SLC35F4: variants seen among roughly 807,000 people sequenced by gnomAD.
The protein encoded by SLC35F4 is chromosome 14 open reading frame 36.
A neutral mutation model predicts 44.2 loss-of-function variants in SLC35F4; 24 were observed. The ratio of observed to expected loss-of-function variants is 0.54; its 90% confidence interval spans 0.39 to 0.76. The LOEUF is 0.76. Ranked by LOEUF, SLC35F4 falls within the 30% of genes least tolerant of loss-of-function variation. SLC35F4 has a pLI of 0.00. For synonymous variants in SLC35F4, 238 were observed against 223.6 expected (o/e 1.06, Z -0.57); for missense variants, 562 against 586.1 (o/e 0.96, Z 0.42).
At chr14:57,599,802 G>GA (rs34667001) in intron 1 of SLC35F4, among the ~76,000 whole-genome samples, 47,409 of 126,024 alleles carry the variant, frequency 0.38, 9,248 homozygotes, top group Admixed American at 0.46. Context: ...ACTCTGTCTT[G>GA]AAAAAAAAAA....
intron 1 of SLC35F4, among the ~76,000 whole-genome samples, chr14:57,950,002 C>T (rs535430788): frequency 1.3e-5 from 2 of 152,220 alleles, no homozygotes; most frequent in South Asian, 2.1e-4. Context: ...TGACTATGTG[C>T]CTAGGTGATG....
At chr14:57,955,029 C>T (rs1332529394) in intron 1 of SLC35F4, among the ~76,000 whole-genome samples, 6 of 149,104 alleles carry the variant, frequency 4.0e-5, no homozygotes, top group African/African-American at 1.5e-4. Context: ...TGAACAGCAA[C>T]ACGAAAATCC....
intron 1 of SLC35F4, among the ~76,000 whole-genome samples, chr14:57,943,695 G>A (rs1889956660): frequency 6.6e-6 from 1 of 152,180 alleles, no homozygotes; most frequent in Non-Finnish European, 1.5e-5. Context: ...GATCATGGAT[G>A]GGCCCAGCTG....
intron 1 of SLC35F4, among the ~76,000 whole-genome samples, chr14:57,638,916 T>C (rs991088509): frequency 6.6e-6 from 1 of 152,076 alleles, no homozygotes; most frequent in African/African-American, 2.4e-5. Context: ...GCCACATACA[T>C]GCAAAATGGA....
intron 1 of SLC35F4, among the ~76,000 whole-genome samples, chr14:57,775,789 T>C (rs1481506062): frequency 1.3e-5 from 2 of 152,238 alleles, no homozygotes; most frequent in Admixed American, 6.5e-5. Context: ...CAAGGGTTCT[T>C]AACTGGGTTG....
intron 1 of SLC35F4, among the ~76,000 whole-genome samples, chr14:57,956,291 C>G (rs1178633482): frequency 3.9e-5 from 6 of 152,120 alleles, no homozygotes; most frequent in African/African-American, 1.4e-4. Flanking sequence ...AAAATTAGCT[C>G]AAGATGGATT....
chr14:57,948,734 C>A (rs1890081225), intron 1 of SLC35F4, among the ~76,000 whole-genome samples: 1 of 152,078 alleles, frequency 6.6e-6, no homozygotes, highest in Non-Finnish European at 1.5e-5. Flanking sequence ...TAAGTTGTGA[C>A]ACTATTATCA....
intron 1 of SLC35F4, among the ~76,000 whole-genome samples, chr14:57,656,100 GC>G (rs1211304491): frequency 2.0e-5 from 3 of 151,920 alleles, no homozygotes; most frequent in Non-Finnish European, 4.4e-5. Context: ...AGCACAGACT[GC>G]CCTCGGCTCT....
chr14:57,738,478 C>T (rs547509487), intron 1 of SLC35F4, among the ~76,000 whole-genome samples: 1 of 152,116 alleles, frequency 6.6e-6, no homozygotes, highest in Non-Finnish European at 1.5e-5. Context: ...TTCTTGCTGA[C>T]CTCAGGGTCT....
At chr14:57,724,577 T>A (rs1464199161) in intron 1 of SLC35F4, among the ~76,000 whole-genome samples, 1 of 152,126 alleles carries the variant, frequency 6.6e-6, no homozygotes, top group African/African-American at 2.4e-5. Context: ...CTCAAGCAGG[T>A]CCTGAAGGCG....
At chr14:57,660,604 T>C (rs900053674) in intron 1 of SLC35F4, among the ~76,000 whole-genome samples, 4 of 151,428 alleles carry the variant, frequency 2.6e-5, no homozygotes, top group African/African-American at 9.7e-5. Context: ...ATCAATAAAA[T>C]ACAGCAGAAA....
chr14:57,606,063 G>A (rs760382441), intron 1 of SLC35F4, among the ~76,000 whole-genome samples: 5 of 152,222 alleles, frequency 3.3e-5, no homozygotes, highest in South Asian at 2.1e-4. Context: ...CCTCAGCATC[G>A]TGCTATATAC....
intron 1 of SLC35F4, among the ~76,000 whole-genome samples, chr14:57,897,313 G>A (rs1888894344): frequency 6.6e-6 from 1 of 152,008 alleles, no homozygotes; most frequent in Non-Finnish European, 1.5e-5. Flanking sequence ...TGCCAGGCCT[G>A]CAATTCTATT....
At chr14:57,579,112 T>C (rs1190354220) in intron 4 of SLC35F4, 2 of 152,216 alleles carry the variant, frequency 1.3e-5, no homozygotes, top group African/African-American at 4.8e-5. Flanking sequence ...TTGTGAGTCT[T>C]TCATAAGGAC....
At chr14:57,635,496 G>A (rs1422370380) in intron 1 of SLC35F4, among the ~76,000 whole-genome samples, 2 of 152,060 alleles carry the variant, frequency 1.3e-5, no homozygotes, top group Non-Finnish European at 2.9e-5. Flanking sequence ...CACTGGGCTA[G>A]AGAAATATGG....
At chr14:57,601,976 C>G (rs2070849900) in intron 1 of SLC35F4, among the ~76,000 whole-genome samples, 1 of 152,180 alleles carries the variant, frequency 6.6e-6, no homozygotes, top group Non-Finnish European at 1.5e-5. Context: ...CAGTGTATCT[C>G]ACTGCTTTTC....
At chr14:57,630,690 C>T (rs2140127678) in intron 1 of SLC35F4, 1 of 588,530 alleles carries the variant, frequency 1.7e-6, no homozygotes, top group Non-Finnish European at 3.1e-6. Context: ...TGGCCATTGA[C>T]AGTATAAACC....
intron 3 of SLC35F4, among the ~76,000 whole-genome samples, chr14:57,583,540 A>C (rs1028300760): frequency 1.3e-5 from 2 of 152,236 alleles, no homozygotes; most frequent in African/African-American, 4.8e-5. Flanking sequence ...CTCCAATCCC[A>C]CAGGGAAGAC....
At chr14:57,961,225 G>C (rs889540302) in intron 1 of SLC35F4, among the ~76,000 whole-genome samples, 1 of 152,122 alleles carries the variant, frequency 6.6e-6, no homozygotes, top group African/African-American at 2.4e-5. Flanking sequence ...ATCTGCACTG[G>C]GACCAAATAC....
Sources: allele counts gnomAD v4.1 joint callset (sites outside exome capture counted in the v4.1 genomes callset), GRCh38; gene constraint gnomAD v4.1.1; transcripts MANE v1.5; gene names NCBI Gene and HGNC (gene_info 2026-07-23, HGNC 2026-07-21).